The following TOM1L2 variants were observed in gnomAD, a reference collection of about 807,000 sequenced individuals.
The protein encoded by TOM1L2 is TOM1-like protein 2.
Under a neutral mutation model 67.9 loss-of-function variants are expected in TOM1L2, and 31 were observed. The observed-to-expected ratio is 0.46, with a 90% CI of 0.34 to 0.62. The LOEUF (loss-of-function observed/expected upper bound fraction) is 0.62. TOM1L2 is among the 20% of genes least tolerant of loss of function. The pLI is 0.01. For missense variants in TOM1L2, 606 were observed against 663.5 expected (o/e 0.91, Z 0.95); for synonymous variants, 256 against 254.0 (o/e 1.01, Z -0.07).
At chr17:17,967,470 A>G (rs2041913537) in intron 1 of TOM1L2, among the ~76,000 whole-genome samples, 1 of 152,264 alleles carries the variant, frequency 6.6e-6, no homozygotes, top group Non-Finnish European at 1.5e-5. Flanking sequence ...TCCAACTCCA[A>G]GCAGTTGTGG....
At chr17:17,869,722 T>G (rs544608222) in intron 7 of TOM1L2, 774 of 1,210,744 alleles carry the variant, frequency 6.4e-4, no homozygotes, top group Admixed American at 8.1e-4. Flanking sequence ...TACAAGTACA[T>G]GCTTGTACAA....
intron 2 of TOM1L2, among the ~76,000 whole-genome samples, chr17:17,906,374 C>T (rs1876186141): frequency 6.6e-6 from 1 of 151,948 alleles, no homozygotes; most frequent in Admixed American, 6.6e-5. Flanking sequence ...AGCAACTGGC[C>T]CACCTTGGCC....
intron 1 of TOM1L2, among the ~76,000 whole-genome samples, chr17:17,922,745 G>T (rs978282415): frequency 6.6e-6 from 1 of 152,202 alleles, no homozygotes; most frequent in Non-Finnish European, 1.5e-5. Flanking sequence ...TAGTGAGGGC[G>T]CAATAAATAT....
At chr17:17,962,975 T>C (rs563633473) in intron 1 of TOM1L2, among the ~76,000 whole-genome samples, 56 of 150,106 alleles carry the variant, frequency 3.7e-4, no homozygotes, top group African/African-American at 1.3e-3. Context: ...AAAAAAAAAA[T>C]GTAAATTTTG....
At chr17:17,869,112 G>A (rs2037008862) in intron 8 of TOM1L2, 1 of 740,498 alleles carries the variant, frequency 1.4e-6, no homozygotes, top group East Asian at 3.3e-5. Context: ...ACAAAGGGCA[G>A]AGCCTAATTC....
At chr17:17,898,790 A>T in intron 2 of TOM1L2, 116 bp from the exon 3 acceptor site, 1 of 988,172 alleles carries the variant, frequency 1.0e-6, no homozygotes, top group Non-Finnish European at 1.6e-6. Context: ...CATGTTTGTA[A>T]ATGTAAAAGA....
chr17:17,884,608 C>G, intron 5 of TOM1L2, 26 bp downstream of exon 5: 1 of 1,613,492 alleles, frequency 6.2e-7, no homozygotes, highest in Non-Finnish European at 8.5e-7. Context: ...GTAGGTCTTT[C>G]TAGAAAGTGC....
chr17:17,895,096 G>A (rs985625655), intron 3 of TOM1L2, among the ~76,000 whole-genome samples: 3 of 152,138 alleles, frequency 2.0e-5, no homozygotes, highest in African/African-American at 7.2e-5. Flanking sequence ...TACACACGAC[G>A]AAGGGGATGG....
At chr17:17,857,752 G>A (rs760086238) in intron 12 of TOM1L2, 12 of 1,534,636 alleles carry the variant, frequency 7.8e-6, no homozygotes, top group South Asian at 3.6e-5. Context: ...GGCTTGGCTC[G>A]GCTGGTGACT....
chr17:17,961,178 G>A (rs1000345367), intron 1 of TOM1L2, among the ~76,000 whole-genome samples: 6 of 152,128 alleles, frequency 3.9e-5, no homozygotes, highest in African/African-American at 1.4e-4. Flanking sequence ...ATGAAAAGAT[G>A]CTCAATATCA....
At chr17:17,946,926 C>T (rs372084016) in intron 1 of TOM1L2, among the ~76,000 whole-genome samples, 8 of 152,244 alleles carry the variant, frequency 5.3e-5, no homozygotes, top group East Asian at 1.9e-4. Context: ...AGTTTTACCA[C>T]GTTGGCCAGG....
intron 1 of TOM1L2, among the ~76,000 whole-genome samples, chr17:17,908,940 T>A (rs1319011557): frequency 2.0e-5 from 3 of 152,182 alleles, no homozygotes; most frequent in Non-Finnish European, 4.4e-5. Context: ...CCCAGCACTT[T>A]GGGAGGCCAA....
chr17:17,963,366 C>G (rs1453472144), intron 1 of TOM1L2, among the ~76,000 whole-genome samples: 8 of 152,210 alleles, frequency 5.3e-5, no homozygotes, highest in African/African-American at 1.7e-4. Context: ...TCAGTTTAGG[C>G]TCCTTCTTGT....
At chr17:17,881,464 A>G (rs1168561800) in intron 6 of TOM1L2, among the ~76,000 whole-genome samples, 5 of 152,208 alleles carry the variant, frequency 3.3e-5, no homozygotes, top group African/African-American at 1.2e-4. Context: ...CCACACTTTG[A>G]GTCGGTGAAG....
intron 4 of TOM1L2, among the ~76,000 whole-genome samples, chr17:17,888,919 C>A (rs563734082): frequency 2.0e-3 from 304 of 152,304 alleles, no homozygotes; most frequent in Non-Finnish European, 3.4e-3. Flanking sequence ...GAGGTGAAAA[C>A]ATAGGGGTGA....
At chr17:17,869,773 T>G in intron 7 of TOM1L2, 1 of 890,856 alleles carries the variant, frequency 1.1e-6, no homozygotes, top group Non-Finnish European at 1.4e-6. Flanking sequence ...TCCAGATTGC[T>G]TTTTCTCAAC....
intron 10 of TOM1L2, among the ~76,000 whole-genome samples, chr17:17,864,021 C>G (rs2036705836): frequency 6.6e-6 from 1 of 151,590 alleles, no homozygotes; most frequent in Non-Finnish European, 1.5e-5. Flanking sequence ...TGTGTGCCAC[C>G]ACTCGCAGCT....
intron 1 of TOM1L2, among the ~76,000 whole-genome samples, chr17:17,934,458 C>CA (rs1160254285): frequency 2.0e-5 from 3 of 151,954 alleles, no homozygotes; most frequent in South Asian, 2.1e-4. Context: ...AAAAACCACA[C>CA]AAAAAAACAG....
chr17:17,954,061 T>G lies in TOM1L2; in HGVS notation c.52+18201A>C, dbSNP rs1215625973. On this transcript the variant is annotated intron_variant, in intron 1 of 14. Coordinates refer to ENST00000379504, the MANE Select transcript of TOM1L2 (RefSeq NM_001082968.2). ...TTATTAAATACATATAAGTTATAAG[T>G]GCCACTGCAGTTCAGAGGCTTCTGG... Among the ~76,000 whole-genome samples, 4 of 152,350 alleles carry G rather than the reference T, an allele frequency of 2.6e-5. No homozygotes were observed. The East Asian group carries it at 7.7e-4, about 29-fold the overall frequency.
Sources: gnomAD v4.1 joint callset for allele counts (sites outside exome capture counted in the v4.1 genomes callset) on GRCh38, gnomAD v4.1.1 for gene constraint, MANE v1.5 for transcripts, NCBI Gene and HGNC (gene_info 2026-07-23, HGNC 2026-07-21) for gene names.